NME5: variants seen among roughly 807,000 people sequenced by gnomAD.
NME5 encodes NME/NM23 family member 5.
A neutral mutation model predicts 21.6 loss-of-function variants in NME5; 18 were observed. The observed-to-expected ratio is 0.83, with a 90% CI of 0.58 to 1.24. NME5 has a LOEUF of 1.24. NME5 is among the 50% of genes most tolerant of loss of function. NME5 has a pLI of 0.00. For synonymous variants in NME5, 70 were observed against 80.6 expected (o/e 0.87, Z 0.71); for missense variants, 223 against 255.4 (o/e 0.87, Z 0.86).
At chr5:138,134,702 C>G (rs1751651342) in intron 2 of NME5, among the ~76,000 whole-genome samples, 1 of 151,028 alleles carries the variant, frequency 6.6e-6, no homozygotes, top group Admixed American at 6.6e-5. Context: ...ATAATTAACA[C>G]TAGCCACTTA....
At chr5:138,131,008 A>T (rs1169643877) in intron 2 of NME5, among the ~76,000 whole-genome samples, 2 of 151,720 alleles carry the variant, frequency 1.3e-5, no homozygotes, top group Admixed American at 1.3e-4. Flanking sequence ...AGGCAGGTGG[A>T]TCACCTGAGG....
At position 138,115,702 on chromosome 5, in the gene NME5, T is replaced by C; in HGVS notation, c.618A>G (p.Pro206=). The C allele has an allele frequency of 6.3e-7, 1 of 1,581,826 alleles. No individual in the cohort carries two copies. Among genetic ancestry groups the C allele is most frequent in the Non-Finnish European group, 8.5e-7 (1 of 1,169,834 alleles). Residue 206 remains proline (P), a synonymous_variant, in exon 6 of 6, where the codon CCA becomes CCG. Transcript: ENST00000265191. ...NPNKPKLCHH[P]IVEEPY is the part of the protein sequence containing the mutation. ...TTTTTTAATAAGGTTCTTCTACAAT[T>C]GGATGGTGACAAAGTTTGGGTTTGT...
chr5:138,119,691 C>T (rs1256346004), intron 4 of NME5, among the ~76,000 whole-genome samples: 1 of 146,992 alleles, frequency 6.8e-6, no homozygotes, highest in Non-Finnish European at 1.5e-5. Flanking sequence ...GAGTTTCACT[C>T]TTGTCACCCA....
chr5:138,130,470 TA>T (rs1751535087), intron 2 of NME5, among the ~76,000 whole-genome samples: 1 of 152,180 alleles, frequency 6.6e-6, no homozygotes, highest in African/African-American at 2.4e-5. Context: ...GGTTCTGTCA[TA>T]AATATCTTGA....
At chr5:138,130,818 C>T (rs1213087791) in intron 2 of NME5, among the ~76,000 whole-genome samples, 1 of 151,670 alleles carries the variant, frequency 6.6e-6, no homozygotes, top group Non-Finnish European at 1.5e-5. Context: ...CCCAGCTACT[C>T]GGAAGGCTGA....
Position 138,118,836 on chromosome 5 carries a change from T to C in NME5, c.537A>G (p.Gln179=), listed in dbSNP as rs777390662. The change falls in exon 5 of 6, where the codon CAA becomes CAG. Residue 179 remains glutamine, a synonymous_variant. Coordinates refer to ENST00000265191, the MANE Select transcript of NME5 (RefSeq NM_003551.3). ...TTCTTACCAAAGGATCTGCTGGTTT[T>C]TGCTTACAAAGCTCTGTGAGTCCTT... ...LLEGLTELCK[Q]KPADPLIWLA... 6.2e-7 allele frequency: 1 copy of C among 1,607,976 alleles called. No individual in the cohort carries two copies. The highest frequency in any genetic ancestry group is 8.5e-7 in the Non-Finnish European group (1 of 1,174,528).
chr5:138,133,532 C>T (rs895062382), intron 2 of NME5, among the ~76,000 whole-genome samples: 10 of 152,044 alleles, frequency 6.6e-5, no homozygotes, highest in African/African-American at 2.4e-4. Flanking sequence ...CTGAACACAC[C>T]CGATCTCATC....
At chr5:138,122,463 A>AAAAAAAAAAAAAAAAAAAAAG (rs1196337031) in intron 4 of NME5, among the ~76,000 whole-genome samples, 1 of 149,020 alleles carries the variant, frequency 6.7e-6, no homozygotes, top group Non-Finnish European at 1.5e-5. Context: ...AAAAAAAAAA[A>AAAAAAAAAAAAAAAAAAAAAG]AAAAAATTGT....
chr5:138,131,608 C>T (rs1359375439), intron 2 of NME5, among the ~76,000 whole-genome samples: 1 of 151,726 alleles, frequency 6.6e-6, no homozygotes, highest in East Asian at 1.9e-4. Flanking sequence ...GAGTATGAAA[C>T]ACTCTGGACA....
At chr5:138,128,364 C>CA (rs1751480974) in intron 4 of NME5, 115 bp downstream of exon 4, 1 of 808,716 alleles carries the variant, frequency 1.2e-6, no homozygotes, top group African/African-American at 1.8e-5. Context: ...GAAAACATAA[C>CA]AAAATATACT....
At chr5:138,118,689 TAGTC>T (rs1751217776) in intron 5 of NME5, 125 bp downstream of exon 5, 1 of 550,124 alleles carries the variant, frequency 1.8e-6, no homozygotes, top group South Asian at 2.0e-5. Context: ...TTCACCATGT[TAGTC>T]AGGCTGGTCT....
chr5:138,123,374 C>T (rs1751329695), intron 4 of NME5, among the ~76,000 whole-genome samples: 1 of 152,130 alleles, frequency 6.6e-6, no homozygotes. Flanking sequence ...ATTTCCATCC[C>T]CTACTCTCTC....
At chr5:138,127,658 G>A (rs1054544060) in intron 4 of NME5, 17 of 984,744 alleles carry the variant, frequency 1.7e-5, no homozygotes, top group Non-Finnish European at 2.4e-6. Context: ...AAAAACTTCA[G>A]TGTTCTTCCT....
chr5:138,131,858 C>CGCA (rs1386024418), intron 2 of NME5, among the ~76,000 whole-genome samples: 50 of 152,032 alleles, frequency 3.3e-4, no homozygotes, highest in Middle Eastern at 3.4e-3. Context: ...ATTCTCCTGC[C>CGCA]GCAGCCTCCT....
intron 2 of NME5, among the ~76,000 whole-genome samples, chr5:138,132,227 G>C (rs554535918): frequency 1.3e-5 from 2 of 152,082 alleles, no homozygotes; most frequent in South Asian, 4.1e-4. Context: ...GTGCACACCT[G>C]TAGTCTCAGT....
intron 4 of NME5, among the ~76,000 whole-genome samples, chr5:138,126,779 G>A (rs1751437807): frequency 6.6e-6 from 1 of 151,766 alleles, no homozygotes; most frequent in African/African-American, 2.4e-5. Context: ...GAGATTTCAT[G>A]TCTATAGAAA....
intron 1 of NME5, 65 bp downstream of exon 1, chr5:138,139,306 A>T: frequency 1.1e-6 from 1 of 942,216 alleles, no homozygotes; most frequent in Non-Finnish European, 1.3e-6. Context: ...CAGGGCCTCT[A>T]GGTCCGCGGG....
chr5:138,126,975 C>G (rs1023704618), intron 4 of NME5, among the ~76,000 whole-genome samples: 1 of 151,784 alleles, frequency 6.6e-6, no homozygotes, highest in Non-Finnish European at 1.5e-5. Context: ...TAAAAGCTAA[C>G]GAGCAAAAGT....
chr5:138,122,732 C>T (rs1037844795), intron 4 of NME5, among the ~76,000 whole-genome samples: 5 of 149,976 alleles, frequency 3.3e-5, no homozygotes, highest in African/African-American at 1.2e-4. Flanking sequence ...GGCTGGAGTG[C>T]AGTGGTGCGA....
Sources: gnomAD v4.1 joint callset for allele counts (sites outside exome capture counted in the v4.1 genomes callset) on GRCh38, gnomAD v4.1.1 for gene constraint, MANE v1.5 for transcripts, NCBI Gene and HGNC (gene_info 2026-07-23, HGNC 2026-07-21) for gene names.